The following GALNS variants were observed in gnomAD, a reference collection of about 807,000 sequenced individuals.
The protein encoded by GALNS is galactosamine (N-acetyl)-6-sulfatase.
In GALNS, 65 loss-of-function variants were observed where a neutral mutation model predicts 65.9. The observed-to-expected ratio is 0.99, with a 90% CI of 0.81 to 1.21. The LOEUF (loss-of-function observed/expected upper bound fraction) is 1.21. GALNS is among the 50% of genes most tolerant of loss of function. GALNS has a pLI of 0.00. For missense variants in GALNS, 776 were observed against 700.7 expected (o/e 1.11, Z -1.21); for synonymous variants, 346 against 288.9 (o/e 1.20, Z -2.00).
intron 9 of GALNS, among the ~76,000 whole-genome samples, chr16:88,830,901 G>A (rs1205952793): frequency 6.6e-6 from 1 of 152,218 alleles, no homozygotes; most frequent in Non-Finnish European, 1.5e-5. Context: ...GACCGATTCT[G>A]TAGTAGACAG....
chr16:88,849,143 C>A (rs945221141), intron 1 of GALNS, among the ~76,000 whole-genome samples: 2 of 152,180 alleles, frequency 1.3e-5, no homozygotes, highest in Non-Finnish European at 2.9e-5. Context: ...GAGACAGGGT[C>A]TCACTCTGAC....
chr16:88,816,810 C>G (rs561637935), intron 13 of GALNS: 21 of 985,348 alleles, frequency 2.1e-5, no homozygotes, highest in Non-Finnish European at 2.4e-5. Flanking sequence ...CCTTTTCGCC[C>G]GCACAGCAGG....
chr16:88,814,442 G>T lies in GALNS; in HGVS notation c.1566C>A (p.His522Gln). The change falls in exon 14 of 14, where the codon CAC (histidine) becomes CAA (glutamine). Residue 522 changes from histidine to glutamine, a missense_variant. Transcript: ENST00000268695. ...ESIPKKCLWS[H>Q] ...CTGGCCTGAGTCTGCGCAGGTGCTA[G>T]TGGGACCAGAGGCACTTCTTGGGAA... The T allele has an allele frequency of 1.3e-6, 2 of 1,559,130 alleles. No homozygotes were observed. The highest frequency in any genetic ancestry group is 1.7e-6 in the Non-Finnish European group (2 of 1,151,146).
At chr16:88,832,164 T>C in intron 8 of GALNS, 63 bp from the exon 9 acceptor site, 2 of 1,378,632 alleles carry the variant, frequency 1.5e-6, no homozygotes, top group South Asian at 1.2e-5. Flanking sequence ...TCCCCCTCCC[T>C]CCCCACTGAG....
intron 1 of GALNS, among the ~76,000 whole-genome samples, chr16:88,854,847 G>T (rs1442181448): frequency 6.6e-6 from 1 of 152,264 alleles, no homozygotes; most frequent in African/African-American, 2.4e-5. Context: ...GCATCAGAAA[G>T]TCCTTACAAG....
chr16:88,821,154 G>A (rs1359971057), intron 12 of GALNS, among the ~76,000 whole-genome samples: 1 of 147,516 alleles, frequency 6.8e-6, no homozygotes, highest in Non-Finnish European at 1.5e-5. Context: ...CAATGAAACT[G>A]CAGATGCCCC....
intron 4 of GALNS, among the ~76,000 whole-genome samples, chr16:88,839,942 C>T (rs1017951924): frequency 9.9e-5 from 15 of 152,244 alleles, no homozygotes; most frequent in African/African-American, 2.9e-4. Context: ...GAGAGGCCAC[C>T]GGCTCTTCCT....
At chr16:88,816,741 G>A (rs1279931831) in intron 13 of GALNS, 2 of 985,334 alleles carry the variant, frequency 2.0e-6, no homozygotes, top group African/African-American at 1.7e-5. Flanking sequence ...GGCACGGCGG[G>A]CACCCAGCGG....
chr16:88,817,230 G>A (rs1269385432), intron 13 of GALNS: 21 of 974,412 alleles, frequency 2.2e-5, no homozygotes, highest in African/African-American at 3.9e-5. Flanking sequence ...TGACTGCTGC[G>A]GCCCCCAGGG....
At chr16:88,851,526 C>T (rs1818386714) in intron 1 of GALNS, among the ~76,000 whole-genome samples, 1 of 152,096 alleles carries the variant, frequency 6.6e-6, no homozygotes, top group African/African-American at 2.4e-5. Context: ...GAGTGCAGCC[C>T]ATGGAGGGTG....
chr16:88,824,691 C>G, intron 11 of GALNS, 76 bp downstream of exon 11: 3 of 1,242,274 alleles, frequency 2.4e-6, no homozygotes, highest in South Asian at 1.2e-5. Flanking sequence ...GTGCCTCCCC[C>G]AGGACGGTGC....
At chr16:88,840,878 G>C (rs367679362) in intron 4 of GALNS, 114 bp downstream of exon 4, 4 of 850,562 alleles carry the variant, frequency 4.7e-6, no homozygotes, top group African/African-American at 3.3e-5. Context: ...ATCAGCTGCC[G>C]TTTCCCACCC....
intron 13 of GALNS, among the ~76,000 whole-genome samples, chr16:88,817,761 C>T (rs890594311): frequency 6.6e-6 from 1 of 152,208 alleles, no homozygotes; most frequent in South Asian, 2.1e-4. Flanking sequence ...GGCAGAGGCC[C>T]GGGTGGCCGG....
intron 3 of GALNS, 134 bp from the exon 4 acceptor site, chr16:88,841,228 TGG>T: frequency 1.3e-6 from 1 of 744,614 alleles, no homozygotes; most frequent in Non-Finnish European, 2.4e-6. Context: ...AGGCTGTGCC[TGG>T]GGGCTGCGCG....
chr16:88,827,275 C>T (rs949928849), intron 9 of GALNS, among the ~76,000 whole-genome samples: 3 of 152,300 alleles, frequency 2.0e-5, no homozygotes, highest in African/African-American at 7.2e-5. Context: ...ACAGGAGCAG[C>T]TCCGAGTGGC....
intron 9 of GALNS, among the ~76,000 whole-genome samples, chr16:88,828,493 C>T (rs932488311): frequency 6.6e-6 from 1 of 152,186 alleles, no homozygotes; most frequent in African/African-American, 2.4e-5. Flanking sequence ...AGGGAACTGT[C>T]GGGACAGACG....
At chr16:88,817,162 A>T in intron 13 of GALNS, 4 of 985,442 alleles carry the variant, frequency 4.1e-6, no homozygotes, top group Non-Finnish European at 4.8e-6. Context: ...TGGGCCGTCC[A>T]CATGCCACCC....
At position 88,829,959 on chromosome 16, in the gene GALNS, G is replaced by A. The variant is rs142652672; in HGVS notation, c.1002+2039C>T. ...CTCAAAAGTGGAACAGGCGCCGGGC[G>A]CGGTGGCTCACGCCTGTAATCCCAA... On this transcript the variant is annotated intron_variant, in intron 9 of 13. Transcript: ENST00000268695. Among the ~76,000 whole-genome samples, 192 of 152,302 alleles carry A rather than the reference G, an allele frequency of 1.3e-3. 5 individuals are homozygous for A. In the East Asian group the frequency reaches 0.03, roughly 24 times the overall value.
At chr16:88,856,058 C>G in intron 1 of GALNS, 1 of 652,506 alleles carries the variant, frequency 1.5e-6, no homozygotes, top group South Asian at 1.7e-5. Flanking sequence ...TGACCCATGC[C>G]CCAGGCAGGC....
Sources: gnomAD v4.1 joint callset for allele counts (sites outside exome capture counted in the v4.1 genomes callset) on GRCh38, gnomAD v4.1.1 for gene constraint, MANE v1.5 for transcripts, NCBI Gene and HGNC (gene_info 2026-07-23, HGNC 2026-07-21) for gene names.